Variants in CSTPP1 observed in about 807,000 individuals in gnomAD.
The protein encoded by CSTPP1 is UPF0705 protein C11orf49.
the CSTPP1 span, chr11:46,947,939 TC>T: frequency 2.4e-6 from 1 of 410,258 alleles, no homozygotes; most frequent in Non-Finnish European, 4.8e-6. Context: ...TTTTTTTTTT[TC>T]CCTTTAAATT....
the CSTPP1 span, among the ~76,000 whole-genome samples, chr11:46,995,951 C>G: frequency 6.6e-6 from 1 of 152,128 alleles, no homozygotes; most frequent in East Asian, 1.9e-4. Context: ...CTTTATGAAT[C>G]TGGGTGCTCC....
chr11:47,020,405 A>G, the CSTPP1 span, among the ~76,000 whole-genome samples: 111 of 152,292 alleles, frequency 7.3e-4, no homozygotes, highest in African/African-American at 2.6e-3. Context: ...TCCTCTCTTT[A>G]ATATTTAAAC....
the CSTPP1 span, among the ~76,000 whole-genome samples, chr11:47,154,686 C>T: frequency 6.6e-6 from 1 of 152,126 alleles, no homozygotes; most frequent in Admixed American, 6.6e-5. Flanking sequence ...CCTTTGGTAG[C>T]TTATTAAATC....
At chr11:47,027,778 C>T in the CSTPP1 span, among the ~76,000 whole-genome samples, 3 of 152,120 alleles carry the variant, frequency 2.0e-5, no homozygotes, top group Non-Finnish European at 4.4e-5. Flanking sequence ...GATTGATAGT[C>T]CCTGTTGGAT....
the CSTPP1 span, chr11:47,154,958 G>C: frequency 4.7e-5 from 28 of 594,390 alleles, no homozygotes; most frequent in South Asian, 5.4e-4. Context: ...CAGTTTGGTG[G>C]CAGAGTCCAA....
At chr11:47,041,700 A>G in the CSTPP1 span, 1 of 499,952 alleles carries the variant, frequency 2.0e-6, no homozygotes. Flanking sequence ...CAATTTCCAC[A>G]GTGAAGAGGT....
At chr11:47,163,295 CTGACGATGCAAATTACCAAG>C in the CSTPP1 span, among the ~76,000 whole-genome samples, 3 of 152,034 alleles carry the variant, frequency 2.0e-5, no homozygotes, top group Non-Finnish European at 2.9e-5. Context: ...GGAAAGCCTA[CTGACGATGCAAATTACCAAG>C]CTCCAGAGAG....
At chr11:47,037,484 T>C in the CSTPP1 span, among the ~76,000 whole-genome samples, 3 of 118,572 alleles carry the variant, frequency 2.5e-5, 1 homozygote, top group Non-Finnish European at 6.1e-5. Context: ...GGTCAGCAGA[T>C]AAACAAGTGA....
the CSTPP1 span, among the ~76,000 whole-genome samples, chr11:47,093,208 A>T: frequency 2.0e-5 from 3 of 152,210 alleles, no homozygotes; most frequent in Non-Finnish European, 4.4e-5. Context: ...TATAAATAAG[A>T]ATTGAGTTTT....
chr11:46,968,346 T>A, the CSTPP1 span, among the ~76,000 whole-genome samples: 2 of 146,884 alleles, frequency 1.4e-5, no homozygotes, highest in Admixed American at 1.4e-4. Context: ...TATATATATA[T>A]TTAATTAATA....
the CSTPP1 span, among the ~76,000 whole-genome samples, chr11:47,141,932 C>CAA: frequency 0.041 from 1,553 of 37,856 alleles, 222 homozygotes; most frequent in Middle Eastern, 0.06. Context: ...GACTCTGTCT[C>CAA]AAAAAAAAAA....
chr11:47,101,194 T>TTTTTTTTTTGTTTG, the CSTPP1 span, among the ~76,000 whole-genome samples: 2 of 122,610 alleles, frequency 1.6e-5, 1 homozygote, highest in Non-Finnish European at 3.4e-5. Flanking sequence ...TTTTTTATTT[T>TTTTTTTTTTGTTTG]ATTTTTAGTA....
chr11:47,055,962 T>C, the CSTPP1 span, among the ~76,000 whole-genome samples: 1 of 152,222 alleles, frequency 6.6e-6, no homozygotes, highest in Non-Finnish European at 1.5e-5. Context: ...TGTGAGTATA[T>C]AGGTAAAGCT....
the CSTPP1 span, among the ~76,000 whole-genome samples, chr11:47,033,078 T>C: frequency 2.0e-5 from 3 of 152,210 alleles, no homozygotes; most frequent in African/African-American, 7.2e-5. Flanking sequence ...CCTCCATCTT[T>C]TTCTTCTTGA....
the CSTPP1 span, among the ~76,000 whole-genome samples, chr11:46,937,270 T>A: frequency 6.6e-6 from 1 of 152,168 alleles, no homozygotes; most frequent in Admixed American, 6.5e-5. Context: ...TCATTTGAAT[T>A]TCTCAACAGC....
the CSTPP1 span, among the ~76,000 whole-genome samples, chr11:47,049,172 A>T: frequency 6.6e-6 from 1 of 151,658 alleles, no homozygotes; most frequent in East Asian, 2.0e-4. Flanking sequence ...TGTTTCATAA[A>T]ATCAAGGTTT....
At chr11:47,086,232 TCCAAAAAAA>T in the CSTPP1 span, among the ~76,000 whole-genome samples, 38 of 31,764 alleles carry the variant, frequency 1.2e-3, 1 homozygote, top group Non-Finnish European at 1.5e-3. Flanking sequence ...CTACTAAAAA[TCCAAAAAAA>T]AAAAAAAAAA....
At chr11:47,128,760 C>A in the CSTPP1 span, among the ~76,000 whole-genome samples, 1 of 152,064 alleles carries the variant, frequency 6.6e-6, no homozygotes. Context: ...CTCACAACAT[C>A]CTTATTTTAC....
chr11:47,046,283 A>G, the CSTPP1 span, among the ~76,000 whole-genome samples: 1 of 141,538 alleles, frequency 7.1e-6, no homozygotes, highest in Non-Finnish European at 1.6e-5. Context: ...CCACCAAAAG[A>G]AAAAAAAAAA....
Sources: allele counts gnomAD v4.1 joint callset (sites outside exome capture counted in the v4.1 genomes callset), GRCh38; gene constraint gnomAD v4.1.1; transcripts MANE v1.5; gene names NCBI Gene and HGNC (gene_info 2026-07-23, HGNC 2026-07-21).